TECTA: variants seen among roughly 807,000 people sequenced by gnomAD.
TECTA encodes the protein tectorin alpha.
Under a neutral mutation model 216.8 loss-of-function variants are expected in TECTA, and 128 were observed. That is an observed-to-expected ratio of 0.59 (90% CI 0.51 to 0.68). The LOEUF (loss-of-function observed/expected upper bound fraction) is 0.68, where lower values mean the gene tolerates loss of function less well. Among genes scored for constraint, TECTA ranks in the 30% least tolerant of loss-of-function variants. The pLI is 0.00. For missense variants in TECTA, 2,551 were observed against 2,786.2 expected (o/e 0.92, Z 1.90); for synonymous variants, 1,089 against 1,117.1 (o/e 0.97, Z 0.50).
intron 15 of TECTA, 61 bp from the exon 16 acceptor site, chr11:121,162,014 T>C: frequency 6.2e-7 from 1 of 1,608,428 alleles, no homozygotes; most frequent in African/African-American, 1.3e-5. Flanking sequence ...CAGGTACAGA[T>C]GCAATTTACC....
At chr11:121,106,692 A>G (rs556752538) in intron 3 of TECTA, among the ~76,000 whole-genome samples, 1 of 152,322 alleles carries the variant, frequency 6.6e-6, no homozygotes, top group African/African-American at 2.4e-5. Flanking sequence ...CCCTGGAGGA[A>G]GAATGCAACC....
At chr11:121,189,937 AC>A in intron 23 of TECTA, 57 bp downstream of exon 23, 2 of 1,430,712 alleles carry the variant, frequency 1.4e-6, no homozygotes, top group Non-Finnish European at 2.0e-6. Flanking sequence ...GTTCTTTACC[AC>A]CAGAAGGAGA....
At position 121,160,435 on chromosome 11, in the gene TECTA, A is replaced by G; in HGVS notation, c.4976+14A>G. ...CATGCAGAAGAGGTGAGGGTGTAGG[A>G]GTTCAAGCCACTAGACTTGGTGGCC... On this transcript the variant is annotated intron_variant, in intron 15 of 23. Coordinates refer to ENST00000392793, the MANE Select transcript of TECTA (RefSeq NM_005422.4). 6.2e-7 allele frequency: 1 copy of G among 1,606,000 alleles called. No individual in the cohort carries two copies. The highest frequency in any genetic ancestry group is 1.1e-5 in the South Asian group (1 of 91,028).
intron 10 of TECTA, among the ~76,000 whole-genome samples, chr11:121,134,321 A>ATCACC (rs1946703370): frequency 7.0e-6 from 1 of 142,936 alleles, no homozygotes; most frequent in African/African-American, 2.6e-5. Flanking sequence ...GCTGAAAACC[A>ATCACC]ACACCACACA....
intron 20 of TECTA, 60 bp downstream of exon 20, chr11:121,168,985 AT>A (rs1947084767): frequency 1.2e-6 from 2 of 1,612,490 alleles, no homozygotes; most frequent in Admixed American, 3.3e-5. Flanking sequence ...TGTCCTCATC[AT>A]TTTTTAAGGA....
chr11:121,153,514 T>C (rs1199621374), intron 13 of TECTA, among the ~76,000 whole-genome samples: 1 of 152,164 alleles, frequency 6.6e-6, no homozygotes, highest in East Asian at 1.9e-4. Flanking sequence ...AATATGGAGC[T>C]GGAGGCTGAG....
chr11:121,119,686 T>C (rs1946538217), intron 7 of TECTA, among the ~76,000 whole-genome samples: 1 of 152,200 alleles, frequency 6.6e-6, no homozygotes. Context: ...CTGATGCCAA[T>C]GCAGGGATTT....
rs534118874 is a variant in TECTA at position 121,122,567 on chromosome 11, G to A, written c.1204-2735G>A. ...AATGTGGTAGCAGTCTGGGCACGGCGTCTCACACCTATAATCCCAGCACTT... is the reference window on the plus strand; with the variant it reads ...AATGTGGTAGCAGTCTGGGCACGGCATCTCACACCTATAATCCCAGCACTT... On this transcript the variant is annotated intron_variant, in intron 7 of 23. Transcript: ENST00000392793. Among the ~76,000 whole-genome samples the A allele has an allele frequency of 2.7e-4, 41 of 150,222 alleles. No homozygotes were observed. In the South Asian group the frequency reaches 2.7e-3, roughly 10 times the overall value.
At chr11:121,121,290 C>A (rs1946555993) in intron 7 of TECTA, among the ~76,000 whole-genome samples, 1 of 152,216 alleles carries the variant, frequency 6.6e-6, no homozygotes, top group Admixed American at 6.5e-5. Flanking sequence ...AGTTCCAAGA[C>A]CTGTGCCTCC....
At chr11:121,173,287 A>T (rs372893170) in intron 20 of TECTA, among the ~76,000 whole-genome samples, 1 of 148,920 alleles carries the variant, frequency 6.7e-6, no homozygotes, top group Non-Finnish European at 1.5e-5. Flanking sequence ...TGAATGGTAA[A>T]GCCTAGGTTT....
intron 13 of TECTA, among the ~76,000 whole-genome samples, chr11:121,156,068 G>T (rs138775290): frequency 7.2e-4 from 110 of 152,290 alleles, no homozygotes; most frequent in African/African-American, 2.6e-3. Context: ...TCCTGTAATA[G>T]CAGCTTCTAT....
At chr11:121,162,548 C>G (rs1008887434) in intron 16 of TECTA, among the ~76,000 whole-genome samples, 178 bp downstream of exon 16, 1 of 152,224 alleles carries the variant, frequency 6.6e-6, no homozygotes, top group African/African-American at 2.4e-5. Context: ...GGGCCCCTCC[C>G]GTGGAGCCTA....
At chr11:121,173,816 C>A (rs1407869794) in intron 20 of TECTA, among the ~76,000 whole-genome samples, 1 of 152,118 alleles carries the variant, frequency 6.6e-6, no homozygotes, top group African/African-American at 2.4e-5. Context: ...TTCTTCCTAC[C>A]CATGAGCATG....
Position 121,105,106 on chromosome 11 carries a change from G to A in TECTA, c.65-725G>A, listed in dbSNP as rs765683911. On this transcript the variant is annotated intron_variant, in intron 2 of 23. Transcript: ENST00000392793. The surrounding 1 kb of genome is among the most constrained non-coding windows in gnomAD (Gnocchi z 5.3). ...GGAGAGGAGGTGACCCTGTCACAGC[G>A]GGATGCAGTGTGTGTTTGTGTGATG... 4.6e-5 allele frequency among the ~76,000 whole-genome samples: 7 copies of A among 152,178 alleles called. No individual in the cohort carries two copies. Among genetic ancestry groups the A allele is most frequent in the East Asian group, 1.9e-4 (1 of 5,186 alleles).
chr11:121,171,786 T>G (rs1204688749), intron 20 of TECTA, among the ~76,000 whole-genome samples: 2 of 152,228 alleles, frequency 1.3e-5, no homozygotes, highest in East Asian at 3.8e-4. Context: ...TTTACTGAAT[T>G]TGTTTATCTG....
At chr11:121,168,362 A>G in intron 19 of TECTA, 145 bp downstream of exon 19, 3 of 1,091,372 alleles carry the variant, frequency 2.7e-6, no homozygotes, top group Non-Finnish European at 2.8e-6. Context: ...TTCAACCAAC[A>G]TTGTTCAATA....
rs1376039216 is a variant in TECTA at position 121,127,786 on chromosome 11, C to T, written c.1809C>T (p.Tyr603=). 6.2e-7 allele frequency: 1 copy of T among 1,614,096 alleles called. No homozygotes were observed. Among genetic ancestry groups the T allele is most frequent in the East Asian group, 2.2e-5 (1 of 44,898 alleles). The change falls in exon 9 of 24, where the codon TAC becomes TAT. Residue 603 remains tyrosine (Y), a synonymous_variant. Transcript: ENST00000392793. The surrounding 1 kb of genome is among the most constrained non-coding windows in gnomAD (Gnocchi z 5.0). ...TGCAGTGCCCGAGCTTCAGCCACTA[C>T]TCCGTGTGCACAAGCAGCTGCCCCG... ...STVQCPSFSH[Y]SVCTSSCPDT...
chr11:121,152,737 A>G, intron 12 of TECTA, 144 bp from the exon 13 acceptor site: 2 of 759,314 alleles, frequency 2.6e-6, no homozygotes, highest in Non-Finnish European at 4.2e-6. Context: ...CAAAGAGGGC[A>G]GTAATGAAGA....
intron 10 of TECTA, among the ~76,000 whole-genome samples, chr11:121,131,040 C>T: frequency 6.6e-6 from 1 of 151,518 alleles, no homozygotes; most frequent in Non-Finnish European, 1.5e-5. Flanking sequence ...TGGGGAAACC[C>T]TGTCTCTACT....
Sources: allele counts gnomAD v4.1 joint callset (sites outside exome capture counted in the v4.1 genomes callset), GRCh38; gene constraint gnomAD v4.1.1; non-coding constraint Gnocchi (gnomAD v3.1); transcripts MANE v1.5; gene names NCBI Gene and HGNC (gene_info 2026-07-23, HGNC 2026-07-21).